UBE2E2: variants seen among roughly 807,000 people sequenced by gnomAD.
UBE2E2 encodes ubiquitin conjugating enzyme E2 E2, also known as ubiquitin-conjugating enzyme E2 E2.
In UBE2E2, 6 loss-of-function variants were observed where a neutral mutation model predicts 24.7. The observed-to-expected ratio is 0.24, with a 90% CI of 0.13 to 0.48. The LOEUF (loss-of-function observed/expected upper bound fraction) is 0.48. UBE2E2 is among the 20% of genes least tolerant of loss of function. The pLI is 0.99. For missense variants in UBE2E2, 169 were observed against 245.0 expected, an observed-to-expected ratio of 0.69 and a Z score of 2.07; for synonymous variants, 104 against 83.6, an observed-to-expected ratio of 1.24 and a Z score of -1.33.
chr3:23,446,292 G>A (rs917417924), intron 3 of UBE2E2, among the ~76,000 whole-genome samples: 4 of 152,176 alleles, frequency 2.6e-5, no homozygotes, highest in African/African-American at 9.7e-5. Context: ...GCATGGCCTG[G>A]AGCCCTGAAC....
chr3:23,398,180 G>A (rs1220039139), intron 3 of UBE2E2, among the ~76,000 whole-genome samples: 1 of 151,982 alleles, frequency 6.6e-6, no homozygotes, highest in African/African-American at 2.4e-5. Flanking sequence ...AGGTTTGGTG[G>A]TGGGCGCCTG....
intron 3 of UBE2E2, among the ~76,000 whole-genome samples, chr3:23,477,949 G>C (rs1240531163): frequency 6.6e-6 from 1 of 152,170 alleles, no homozygotes; most frequent in Non-Finnish European, 1.5e-5. Flanking sequence ...CTGTCACTCT[G>C]TGAGGAAGGA....
At chr3:23,274,014 A>G (rs1698318529) in intron 3 of UBE2E2, 1 of 152,242 alleles carries the variant, frequency 6.6e-6, no homozygotes, top group African/African-American at 2.4e-5. Context: ...CCTTTGATAC[A>G]ATGGGAAAAA....
intron 5 of UBE2E2, among the ~76,000 whole-genome samples, chr3:23,569,227 G>C (rs1332045854): frequency 6.6e-6 from 1 of 152,156 alleles, no homozygotes; most frequent in Non-Finnish European, 1.5e-5. Flanking sequence ...AATCACAAGA[G>C]ACTACATATT....
At chr3:23,535,937 A>G (rs1695254174) in intron 5 of UBE2E2, among the ~76,000 whole-genome samples, 1 of 152,150 alleles carries the variant, frequency 6.6e-6, no homozygotes, top group Admixed American at 6.5e-5. Flanking sequence ...CTTATTTGTT[A>G]GACGTTACCT....
chr3:23,250,602 TTG>T (rs1356764124), intron 3 of UBE2E2, among the ~76,000 whole-genome samples: 1 of 152,224 alleles, frequency 6.6e-6, no homozygotes, highest in Non-Finnish European at 1.5e-5. Context: ...ATTGAATGCA[TTG>T]TCTCTTATGA....
rs1001648212 is a variant in UBE2E2, at chr3:23,530,084, A to T, written c.361-2470A>T. Among the ~76,000 whole-genome samples, 71 of 152,204 alleles carry T rather than the reference A, an allele frequency of 4.7e-4. 1 individual carries two copies. Among genetic ancestry groups the T allele is most frequent in the Non-Finnish European group, 8.8e-5 (6 of 68,036 alleles). The stretch of plus-strand genomic sequence containing the variant: ...GAGTTTTTCAGTTTCCAAACATATG[A>T]TAGGGGGATCTTTTATATGTAGATT... On this transcript the variant is annotated intron_variant, in intron 4 of 5. Transcript: ENST00000396703.
At chr3:23,314,135 T>C (rs902906299) in intron 3 of UBE2E2, among the ~76,000 whole-genome samples, 1 of 152,154 alleles carries the variant, frequency 6.6e-6, no homozygotes, top group Admixed American at 6.5e-5. Context: ...AGTTACTCTT[T>C]TTGTTGTTGT....
At chr3:23,237,988 T>G (rs1009059518) in intron 3 of UBE2E2, among the ~76,000 whole-genome samples, 1 of 152,178 alleles carries the variant, frequency 6.6e-6, no homozygotes, top group African/African-American at 2.4e-5. Context: ...ATGATGCAGC[T>G]CAACAACCAT....
At chr3:23,298,135 T>G (rs192754365) in intron 3 of UBE2E2, among the ~76,000 whole-genome samples, 1 of 152,336 alleles carries the variant, frequency 6.6e-6, no homozygotes, top group East Asian at 1.9e-4. Context: ...GTACATTGAA[T>G]TTGTATCCTG....
At chr3:23,464,147 C>T (rs1445967940) in intron 3 of UBE2E2, among the ~76,000 whole-genome samples, 1 of 152,094 alleles carries the variant, frequency 6.6e-6, no homozygotes, top group East Asian at 1.9e-4. Flanking sequence ...GTAGTGAGAA[C>T]AGTCTTTGAA....
At chr3:23,225,675 A>G (rs1406306077) in intron 3 of UBE2E2, among the ~76,000 whole-genome samples, 4 of 152,212 alleles carry the variant, frequency 2.6e-5, no homozygotes, top group Non-Finnish European at 5.9e-5. Flanking sequence ...TTATGTCAGT[A>G]ACATACTGTC....
chr3:23,320,904 A>G (rs1343481087), intron 3 of UBE2E2, among the ~76,000 whole-genome samples: 2 of 152,192 alleles, frequency 1.3e-5, no homozygotes, highest in Non-Finnish European at 2.9e-5. Context: ...AAATTACCAT[A>G]ATCTGGGTGG....
At chr3:23,463,646 C>T (rs949258220) in intron 3 of UBE2E2, among the ~76,000 whole-genome samples, 1 of 152,066 alleles carries the variant, frequency 6.6e-6, no homozygotes, top group Non-Finnish European at 1.5e-5. Flanking sequence ...TCTCCCCTCA[C>T]CATTGTTTCT....
intron 2 of UBE2E2, among the ~76,000 whole-genome samples, chr3:23,212,607 G>C (rs1462543931): frequency 1.4e-5 from 1 of 73,856 alleles, no homozygotes; most frequent in Non-Finnish European, 2.6e-5. Flanking sequence ...ATGGTTTTTG[G>C]TTTCAGACTA....
intron 3 of UBE2E2, among the ~76,000 whole-genome samples, chr3:23,354,811 G>A (rs1695889696): frequency 6.6e-6 from 1 of 152,256 alleles, no homozygotes; most frequent in South Asian, 2.1e-4. Flanking sequence ...CATTGTGGAA[G>A]ACAGTGTGGC....
chr3:23,352,259 TA>T (rs548659106), intron 3 of UBE2E2, among the ~76,000 whole-genome samples: 46 of 151,688 alleles, frequency 3.0e-4, no homozygotes, highest in Non-Finnish European at 6.3e-4. Flanking sequence ...TTTATAGCAC[TA>T]AATGCCCACA....
At chr3:23,561,100 T>C (rs1695917332) in intron 5 of UBE2E2, among the ~76,000 whole-genome samples, 1 of 152,228 alleles carries the variant, frequency 6.6e-6, no homozygotes, top group Non-Finnish European at 1.5e-5. Context: ...ATTTTGGCTT[T>C]TGTTGCCATT....
intron 3 of UBE2E2, among the ~76,000 whole-genome samples, chr3:23,369,839 A>G (rs1240738331): frequency 6.6e-6 from 1 of 152,186 alleles, no homozygotes; most frequent in Non-Finnish European, 1.5e-5. Flanking sequence ...ATTCTGGTCT[A>G]GTGTGTTTGC....
Sources: allele counts gnomAD v4.1 joint callset (sites outside exome capture counted in the v4.1 genomes callset), GRCh38; gene constraint gnomAD v4.1.1; transcripts MANE v1.5; gene names NCBI Gene and HGNC (gene_info 2026-07-23, HGNC 2026-07-21).